LCMT2: variants seen among roughly 807,000 people sequenced by gnomAD.
LCMT2 encodes the protein leucine carboxyl methyltransferase 2.
In LCMT2, 34 loss-of-function variants were observed where a neutral mutation model predicts 42.0. The ratio of observed to expected loss-of-function variants is 0.81; its 90% confidence interval spans 0.62 to 1.08. The LOEUF (loss-of-function observed/expected upper bound fraction) is 1.08. LCMT2 is among the 50% of genes least tolerant of loss of function. LCMT2 has a pLI of 0.00. For synonymous variants in LCMT2, 445 were observed against 369.5 expected (o/e 1.20, Z -2.34); for missense variants, 1,091 against 889.4 (o/e 1.23, Z -2.88).
Position 43,330,263 on chromosome 15 carries a change from G to A in LCMT2, c.227C>T (p.Ala76Val), listed in dbSNP as rs771857931. The change falls in exon 1 of 1, where the codon GCG (alanine) becomes GTG (valine). Residue 76 changes from alanine (A) to valine (V), a missense_variant. Physicochemically the swap from Ala to Val is moderately conservative, Grantham distance 64 (BLOSUM62 0). Coordinates refer to ENST00000305641, the MANE Select transcript of LCMT2 (RefSeq NM_014793.5). Reference protein sequence around the residue: ...CVRAFLEQIGAPQAALRAQIL... With the variant: ...CVRAFLEQIGVPQAALRAQIL... Reference sequence around the variant, plus strand: ...CTGCGCGCGAAGCGCGGCCTGGGGCGCGCCAATCTGCTCCAAAAAAGCGCG... The same window carrying A: ...CTGCGCGCGAAGCGCGGCCTGGGGCACGCCAATCTGCTCCAAAAAAGCGCG... 2 of 1,600,684 alleles carry A rather than the reference G, an allele frequency of 1.2e-6. No individual in the cohort carries two copies. The highest frequency in any genetic ancestry group is 1.4e-5 in the African/African-American group (1 of 73,866).
Sources: gnomAD v4.1 joint callset for allele counts on GRCh38, gnomAD v4.1.1 for gene constraint, MANE v1.5 for transcripts, NCBI Gene and HGNC (gene_info 2026-07-23, HGNC 2026-07-21) for gene names.